The following NRXN3 variants were observed in gnomAD, a reference collection of about 807,000 sequenced individuals.
NRXN3 encodes the protein neurexin III.
In NRXN3, 32 loss-of-function variants were observed where a neutral mutation model predicts 137.6. The observed-to-expected ratio is 0.23, with a 90% confidence interval of 0.18 to 0.31. NRXN3 has a LOEUF of 0.31. Ranked by LOEUF, NRXN3 falls within the 10% of genes least tolerant of loss-of-function variation. NRXN3 has a pLI of 1.00. For synonymous variants in NRXN3, 798 were observed against 784.5 expected, an observed-to-expected ratio of 1.02 and a Z score of -0.29; for missense variants, 1,574 against 2,062.5, an observed-to-expected ratio of 0.76 and a Z score of 4.59.
intron 10 of NRXN3, among the ~76,000 whole-genome samples, chr14:78,926,887 TATA>T (rs1432409072): frequency 6.7e-5 from 1 of 14,894 alleles, no homozygotes; most frequent in Non-Finnish European, 9.1e-5. Context: ...ATAATATATT[TATA>T]TATATATATA....
chr14:79,106,912 C>T (rs2052551409), intron 15 of NRXN3, among the ~76,000 whole-genome samples: 1 of 151,796 alleles, frequency 6.6e-6, no homozygotes, highest in Non-Finnish European at 1.5e-5. Context: ...AAAAACAAGC[C>T]TTGGTGTCTA....
intron 15 of NRXN3, among the ~76,000 whole-genome samples, chr14:79,462,377 A>T (rs1406483674): frequency 6.6e-6 from 1 of 151,388 alleles, no homozygotes; most frequent in African/African-American, 2.5e-5. Flanking sequence ...CCATCTCAAA[A>T]AAAATAAATA....
chr14:78,991,742 T>C (rs981562751), intron 15 of NRXN3, among the ~76,000 whole-genome samples: 15 of 152,224 alleles, frequency 9.9e-5, no homozygotes, highest in Non-Finnish European at 2.2e-4. Flanking sequence ...TTTCCTAGCA[T>C]TGGTTCTTTT....
chr14:78,217,804 G>A (rs1003218051), intron 1 of NRXN3, among the ~76,000 whole-genome samples: 1 of 152,176 alleles, frequency 6.6e-6, no homozygotes, highest in Non-Finnish European at 1.5e-5. Flanking sequence ...TGGGATTACA[G>A]GCGTGTACAC....
At chr14:78,861,639 T>C (rs1021788192) in intron 10 of NRXN3, among the ~76,000 whole-genome samples, 1 of 152,190 alleles carries the variant, frequency 6.6e-6, no homozygotes, top group Non-Finnish European at 1.5e-5. Context: ...CATGATGCTG[T>C]GCTGTCATAG....
chr14:79,329,883 C>A (rs2091432407), intron 15 of NRXN3, among the ~76,000 whole-genome samples: 1 of 151,026 alleles, frequency 6.6e-6, no homozygotes, highest in Admixed American at 6.6e-5. Context: ...GCTCTGTCAC[C>A]AAGCTGGAGT....
At chr14:78,735,997 G>T (rs1255765861) in intron 8 of NRXN3, among the ~76,000 whole-genome samples, 1 of 152,108 alleles carries the variant, frequency 6.6e-6, no homozygotes, top group African/African-American at 2.4e-5. Flanking sequence ...TCCTATCTGA[G>T]AATTCTCATG....
At chr14:79,833,327 T>C (rs900006729) in intron 20 of NRXN3, among the ~76,000 whole-genome samples, 5 of 152,184 alleles carry the variant, frequency 3.3e-5, no homozygotes, top group Non-Finnish European at 7.4e-5. Flanking sequence ...TAACTAGAGA[T>C]AGTAAAAGAA....
intron 4 of NRXN3, among the ~76,000 whole-genome samples, chr14:78,543,867 C>T (rs1329372256): frequency 1.3e-5 from 2 of 151,888 alleles, no homozygotes; most frequent in Non-Finnish European, 2.9e-5. Flanking sequence ...AAGTCAAAGC[C>T]GGAATCAAGG....
intron 19 of NRXN3, among the ~76,000 whole-genome samples, chr14:79,776,551 T>C (rs2099097679): frequency 6.6e-6 from 1 of 152,174 alleles, no homozygotes; most frequent in Non-Finnish European, 1.5e-5. Context: ...AAATTATATA[T>C]TGGAGGTTGT....
At chr14:78,695,288 C>A (rs2152783929) in intron 6 of NRXN3, 1 of 152,130 alleles carries the variant, frequency 6.6e-6, no homozygotes, top group Non-Finnish European at 1.5e-5. Flanking sequence ...GTAAAGACTC[C>A]TTTCCAAATA....
intron 4 of NRXN3, among the ~76,000 whole-genome samples, chr14:78,323,067 T>A (rs2079588084): frequency 6.6e-6 from 1 of 152,118 alleles, no homozygotes; most frequent in Non-Finnish European, 1.5e-5. Flanking sequence ...GGAGATTGAC[T>A]GTATCTGATT....
In NRXN3 at chr14:79,697,893, G is replaced by A; in HGVS notation, c.3970G>A (p.Ala1324Thr). 1.9e-6 allele frequency: 3 copies of A among 1,613,058 alleles called. No homozygotes were observed. Among genetic ancestry groups the A allele is most frequent in the Non-Finnish European group, 2.5e-6 (3 of 1,179,340 alleles). ...TTVMETTTTMATTTTRKNRST... is the reference protein window; with the variant it reads ...TTVMETTTTMTTTTTRKNRST... ...TGTCATGGAAACCACTACTACAATG[G>A]CGACTACCACAACCCGTAAGAATCG... is the stretch of plus-strand genomic sequence containing the variant. Residue 1324 changes from alanine to threonine, a missense_variant, in exon 19 of 21, where the codon GCG becomes ACG. Ala to Thr is a moderately conservative substitution (Grantham distance 58). Coordinates refer to ENST00000335750, the MANE Select transcript of NRXN3 (RefSeq NM_001330195.2).
chr14:79,858,996 A>C lies in NRXN3; in HGVS notation c.4094-2346A>C, dbSNP rs1036755330. Among the ~76,000 whole-genome samples the C allele has an allele frequency of 8.2e-4, 114 of 138,846 alleles. 1 individual carries two copies. Among genetic ancestry groups the C allele is most frequent in the African/African-American group, 2.7e-3 (106 of 38,864 alleles). The allele number at this position is 138,846 out of a possible 152,430, so 91.1% of individuals were successfully genotyped here. On this transcript the variant is annotated intron_variant, in intron 20 of 20. Coordinates refer to ENST00000335750, the MANE Select transcript of NRXN3 (RefSeq NM_001330195.2). ...ACAATGTAAAAAAAAGAAAAAAAAA[A>C]AAAACAGGTGTCTGCTGGTCTAGTA... is the stretch of plus-strand genomic sequence containing the variant.
intron 15 of NRXN3, among the ~76,000 whole-genome samples, chr14:79,031,710 G>A (rs2099608501): frequency 1.1e-5 from 1 of 93,846 alleles, no homozygotes; most frequent in Non-Finnish European, 2.6e-5. Flanking sequence ...AGTATCAAGA[G>A]TTAATTACAA....
intron 8 of NRXN3, among the ~76,000 whole-genome samples, chr14:78,724,937 AC>A (rs1030833655): frequency 7.2e-5 from 11 of 151,900 alleles, no homozygotes; most frequent in African/African-American, 2.2e-4. Flanking sequence ...CTCTTGAAAG[AC>A]CCCCTTCTGT....
At chr14:78,428,643 A>G (rs142923872) in intron 4 of NRXN3, among the ~76,000 whole-genome samples, 58 of 152,286 alleles carry the variant, frequency 3.8e-4, no homozygotes, top group African/African-American at 1.3e-3. Flanking sequence ...CAAGCTCTAC[A>G]GGGTGAGTTG....
intron 15 of NRXN3, among the ~76,000 whole-genome samples, chr14:79,193,220 A>C (rs2064658711): frequency 6.6e-6 from 1 of 152,222 alleles, no homozygotes; most frequent in South Asian, 2.1e-4. Flanking sequence ...AAATAAGAAT[A>C]GTGATGTTTA....
intron 10 of NRXN3, among the ~76,000 whole-genome samples, chr14:78,893,435 C>G (rs1436179555): frequency 6.6e-6 from 1 of 151,880 alleles, no homozygotes; most frequent in African/African-American, 2.4e-5. Flanking sequence ...GCCGAATCTC[C>G]TGTTGGTTGA....
Sources: allele counts gnomAD v4.1 joint callset (sites outside exome capture counted in the v4.1 genomes callset), GRCh38; gene constraint gnomAD v4.1.1; transcripts MANE v1.5; gene names NCBI Gene and HGNC (gene_info 2026-07-23, HGNC 2026-07-21).